The following FCHO2 variants were observed in gnomAD, a reference collection of about 807,000 sequenced individuals.
FCHO2 encodes the protein FCH and mu domain containing endocytic adaptor 2, also known as F-BAR domain only protein 2.
In FCHO2, 43 loss-of-function variants were observed where a neutral mutation model predicts 114.1. The ratio of observed to expected loss-of-function variants is 0.38; its 90% confidence interval spans 0.30 to 0.49. The LOEUF (loss-of-function observed/expected upper bound fraction) is 0.49. Ranked by LOEUF, FCHO2 falls within the 20% of genes least tolerant of loss-of-function variation. The pLI is 0.97. For missense variants in FCHO2, 807 were observed against 950.4 expected (o/e 0.85, Z 1.98); for synonymous variants, 293 against 315.2 (o/e 0.93, Z 0.75).
intron 8 of FCHO2, among the ~76,000 whole-genome samples, chr5:73,022,853 A>G (rs1755702281): frequency 6.6e-6 from 1 of 152,168 alleles, no homozygotes; most frequent in Admixed American, 6.5e-5. Context: ...ACTTGGCTTC[A>G]GTTTATTAAG....
rs1371809323 is a variant in FCHO2, at chr5:73,068,642, T to G, written c.1450-8T>G. 1 of 1,607,804 alleles carries G rather than the reference T, an allele frequency of 6.2e-7. No individual in the cohort carries two copies. The stretch of plus-strand genomic sequence containing the variant: ...TAGCATTTTGATAAATAACTTTTTG[T>G]TTTTAAGCCCAGGCCATTCAGCCCA... On this transcript the variant is annotated splice_polypyrimidine_tract_variant and splice_region_variant and intron_variant, in intron 18 of 25. Coordinates refer to ENST00000430046, the MANE Select transcript of FCHO2 (RefSeq NM_138782.3).
intron 11 of FCHO2, among the ~76,000 whole-genome samples, chr5:73,049,703 C>G (rs185243209): frequency 1.3e-3 from 202 of 152,192 alleles, no homozygotes; most frequent in African/African-American, 4.6e-3. Context: ...GACCAGAAAA[C>G]CCCTTCTTGA....
intron 8 of FCHO2, among the ~76,000 whole-genome samples, chr5:73,018,040 A>G (rs1396421860): frequency 2.0e-5 from 3 of 152,164 alleles, no homozygotes; most frequent in Non-Finnish European, 1.5e-5. Flanking sequence ...TTCTTGCAAG[A>G]TACATGTTTC....
chr5:73,086,158 A>G (rs1236791983), intron 24 of FCHO2, among the ~76,000 whole-genome samples: 3 of 152,132 alleles, frequency 2.0e-5, no homozygotes, highest in African/African-American at 7.2e-5. Context: ...TGTAAAATAG[A>G]AATCTGTTTT....
At chr5:72,967,411 G>A (rs1752261184) in intron 1 of FCHO2, among the ~76,000 whole-genome samples, 1 of 152,138 alleles carries the variant, frequency 6.6e-6, no homozygotes, top group South Asian at 2.1e-4. Context: ...AGTATTTTGT[G>A]ATACTCAATG....
chr5:72,997,595 G>A (rs1331020163), intron 5 of FCHO2: 27 of 1,371,464 alleles, frequency 2.0e-5, no homozygotes, highest in Non-Finnish European at 3.1e-6. Context: ...GTTCACCGCT[G>A]ATGTTCGTTC....
chr5:73,010,273 A>G (rs1336085259), intron 6 of FCHO2, among the ~76,000 whole-genome samples: 1 of 152,086 alleles, frequency 6.6e-6, no homozygotes, highest in African/African-American at 2.4e-5. Context: ...AAGTTTTTAA[A>G]ATTTAGGTTT....
chr5:72,979,537 G>T (rs551455626), intron 2 of FCHO2, among the ~76,000 whole-genome samples: 1 of 149,630 alleles, frequency 6.7e-6, no homozygotes, highest in African/African-American at 2.5e-5. Context: ...GACTACAGGC[G>T]CCCGCTACCA....
chr5:73,021,961 A>G (rs909002640), intron 8 of FCHO2, among the ~76,000 whole-genome samples: 1 of 152,178 alleles, frequency 6.6e-6, no homozygotes, highest in Non-Finnish European at 1.5e-5. Context: ...TGAAGTATGT[A>G]CTATTATTCT....
At chr5:72,966,938 TTAAACAACAGTAGAGGTTTTCCAG>T (rs1387660724) in intron 1 of FCHO2, among the ~76,000 whole-genome samples, 1 of 152,228 alleles carries the variant, frequency 6.6e-6, no homozygotes, top group Non-Finnish European at 1.5e-5. Context: ...ATTCATAGGA[TTAAACAACAGTAGAGGTTTTCCAG>T]GATTGTGTAG....
At chr5:73,068,310 C>T (rs1371554969) in intron 18 of FCHO2, among the ~76,000 whole-genome samples, 1 of 151,946 alleles carries the variant, frequency 6.6e-6, no homozygotes, top group Admixed American at 6.6e-5. Flanking sequence ...TATTTATAGT[C>T]AGGTAAAGTG....
chr5:72,995,934 T>A (rs571028936), intron 5 of FCHO2, among the ~76,000 whole-genome samples: 2 of 151,790 alleles, frequency 1.3e-5, no homozygotes, highest in Non-Finnish European at 2.9e-5. Flanking sequence ...ATAGATCAAT[T>A]GTCAAATTGA....
chr5:72,963,902 G>GTTTTTTTTTTTTTTTTTTTTTTT (rs70973214), intron 1 of FCHO2, among the ~76,000 whole-genome samples: 2 of 95,694 alleles, frequency 2.1e-5, no homozygotes, highest in Non-Finnish European at 1.9e-5. Flanking sequence ...GGAACTTTCA[G>GTTTTTTTTTTTTTTTTTTTTTTT]TTTTTTTTTT....
intron 2 of FCHO2, among the ~76,000 whole-genome samples, chr5:72,975,009 T>C (rs1752780131): frequency 6.6e-6 from 1 of 152,188 alleles, no homozygotes; most frequent in Non-Finnish European, 1.5e-5. Flanking sequence ...AATTCTTTTC[T>C]TTAAGAATGT....
chr5:73,087,198 C>T (rs931286070), intron 24 of FCHO2, among the ~76,000 whole-genome samples: 2 of 152,150 alleles, frequency 1.3e-5, no homozygotes, highest in Admixed American at 6.5e-5. Context: ...CCGTAGTTAC[C>T]TTTCCATCTT....
At chr5:72,959,145 T>A (rs1321152559) in intron 1 of FCHO2, among the ~76,000 whole-genome samples, 1 of 152,226 alleles carries the variant, frequency 6.6e-6, no homozygotes, top group Non-Finnish European at 1.5e-5. Context: ...GAATTGGGGC[T>A]GTGAGGAGGC....
At chr5:72,956,249 G>T in intron 1 of FCHO2, 120 bp downstream of exon 1, 1 of 1,335,724 alleles carries the variant, frequency 7.5e-7, no homozygotes. Flanking sequence ...GCGTCCTCCT[G>T]CCGCGTCCCG....
At chr5:73,079,451 A>C (rs1249505449) in intron 22 of FCHO2, among the ~76,000 whole-genome samples, 1 of 152,212 alleles carries the variant, frequency 6.6e-6, no homozygotes, top group East Asian at 1.9e-4. Context: ...GTAGCATTTC[A>C]AGGCAATGTG....
intron 2 of FCHO2, among the ~76,000 whole-genome samples, chr5:72,973,906 T>G (rs1307925365): frequency 1.3e-5 from 2 of 149,644 alleles, no homozygotes; most frequent in Non-Finnish European, 3.0e-5. Context: ...TGTTGTGTCT[T>G]TGTTCTCGTT....
Sources: gnomAD v4.1 joint callset for allele counts (sites outside exome capture counted in the v4.1 genomes callset) on GRCh38, gnomAD v4.1.1 for gene constraint, MANE v1.5 for transcripts, NCBI Gene and HGNC (gene_info 2026-07-23, HGNC 2026-07-21) for gene names.